Variants in OTOGL observed in about 807,000 individuals in gnomAD.
OTOGL encodes the protein otogelin like, also known as otogelin-like protein.
A neutral mutation model predicts 318.5 loss-of-function variants in OTOGL; 285 were observed. The observed-to-expected ratio is 0.89, with a 90% CI of 0.81 to 0.99. OTOGL has a LOEUF of 0.99. OTOGL is among the 50% of genes least tolerant of loss of function. The probability of loss-of-function intolerance (pLI) is 0.00; values close to 1 mark genes in which losing one functional copy is unlikely to be tolerated. For synonymous variants in OTOGL, 987 were observed against 936.5 expected, an observed-to-expected ratio of 1.05 and a Z score of -0.99; for missense variants, 2,899 against 2,845.6, an observed-to-expected ratio of 1.02 and a Z score of -0.43.
chr12:80,356,083 GTTTCA>G, intron 47 of OTOGL, 135 bp downstream of exon 47: 1 of 997,396 alleles, frequency 1.0e-6, no homozygotes, highest in Non-Finnish European at 1.5e-6. Flanking sequence ...AGCAAGTTTT[GTTTCA>G]TTACAATTCT....
At chr12:80,131,574 G>A (rs181374029) in intron 1 of OTOGL, among the ~76,000 whole-genome samples, 79 of 152,226 alleles carry the variant, frequency 5.2e-4, no homozygotes, top group African/African-American at 1.8e-3. Flanking sequence ...TTTAATATGG[G>A]ATGAATCAAA....
intron 26 of OTOGL, among the ~76,000 whole-genome samples, chr12:80,287,681 G>T (rs1592659899): frequency 6.6e-6 from 1 of 151,860 alleles, no homozygotes; most frequent in East Asian, 1.9e-4. Flanking sequence ...GATCTTTGTT[G>T]GTTTAGAGTC....
Position 80,358,765 on chromosome 12 carries a change from A to C in OTOGL, c.6216A>C (p.Thr2072=), listed in dbSNP as rs531023532. 1.3e-5 allele frequency: 21 copies of C among 1,606,480 alleles called. No individual in the cohort carries two copies. Among genetic ancestry groups the C allele is most frequent in the Non-Finnish European group, 1.7e-5 (20 of 1,173,742 alleles). Residue 2072 remains threonine, a synonymous_variant, in exon 51 of 59, where the codon ACA becomes ACC. Coordinates refer to ENST00000547103, the MANE Select transcript of OTOGL (RefSeq NM_001378609.3). ...ATGTATCTGGTCAATGTTGCCCAAC[A>C]TGGCACTGTGGTAACTAATTTTCAT... ...KENVSGQCCP[T]WHCECNCENL...
chr12:80,292,685 G>A (rs919495921), intron 26 of OTOGL, among the ~76,000 whole-genome samples: 4 of 152,082 alleles, frequency 2.6e-5, no homozygotes, highest in Non-Finnish European at 5.9e-5. Flanking sequence ...CAATAGACAA[G>A]GAAATTTGAT....
Position 80,108,872 on chromosome 12 carries a change from G to GTATATATGTGTATATATATGTGTA in OTOGL, c.-20+9299_-20+9322dup, listed in dbSNP as rs1387522915. Among the ~76,000 whole-genome samples, 218 of 135,160 alleles carry GTATATATGTGTATATATATGTGTA rather than the reference G, an allele frequency of 1.6e-3. 2 individuals carry two copies. Among genetic ancestry groups the GTATATATGTGTATATATATGTGTA allele is most frequent in the Non-Finnish European group, 1.9e-3 (126 of 64,772 alleles). 88.7% of individuals were successfully genotyped at this position (135,160 alleles called of 152,430 possible). ...TGTATATATATGTGTATATATATGTGTATATATGTGTATATATATGTGTAT... is the reference window on the plus strand; with the variant it reads ...TGTATATATATGTGTATATATATGTGTATATATGTGTATATATATGTGTATATATATGTGTATATATATGTGTAT... On this transcript the variant is annotated intron_variant, in intron 1 of 58. Coordinates refer to ENST00000547103, the MANE Select transcript of OTOGL (RefSeq NM_001378609.3).
At chr12:80,317,216 G>A (rs967139560) in intron 32 of OTOGL, among the ~76,000 whole-genome samples, 2 of 152,108 alleles carry the variant, frequency 1.3e-5, no homozygotes, top group African/African-American at 2.4e-5. Flanking sequence ...GATAGGATAT[G>A]CTTATTTCTG....
chr12:80,247,064 A>C (rs1307476687), intron 11 of OTOGL, among the ~76,000 whole-genome samples: 1 of 113,752 alleles, frequency 8.8e-6, no homozygotes, highest in East Asian at 2.3e-4. Flanking sequence ...TTTTTTCTTT[A>C]TTAGTCTTGC....
At chr12:80,107,654 G>T (rs532518788) in intron 1 of OTOGL, among the ~76,000 whole-genome samples, 2 of 152,114 alleles carry the variant, frequency 1.3e-5, no homozygotes, top group South Asian at 4.2e-4. Flanking sequence ...GTACACATAC[G>T]TTCATTGCAG....
At chr12:80,331,028 T>C (rs924160053) in intron 37 of OTOGL, among the ~76,000 whole-genome samples, 1 of 152,204 alleles carries the variant, frequency 6.6e-6, no homozygotes, top group Non-Finnish European at 1.5e-5. Context: ...AAGATAGCAA[T>C]ACTCCCAAAT....
At chr12:80,234,939 A>G (rs748521464) in intron 9 of OTOGL, among the ~76,000 whole-genome samples, 6 of 152,320 alleles carry the variant, frequency 3.9e-5, no homozygotes, top group Admixed American at 3.9e-4. Context: ...TCTGAGCACA[A>G]TACAAATGTA....
intron 37 of OTOGL, among the ~76,000 whole-genome samples, chr12:80,330,601 A>T (rs1888006941): frequency 6.6e-6 from 1 of 152,208 alleles, no homozygotes; most frequent in Non-Finnish European, 1.5e-5. Context: ...ACATTATCTC[A>T]AATGTGTAAA....
chr12:80,298,085 T>A (rs989121105), intron 27 of OTOGL, among the ~76,000 whole-genome samples: 2 of 152,212 alleles, frequency 1.3e-5, no homozygotes, highest in African/African-American at 4.8e-5. Flanking sequence ...TAAATAATGT[T>A]TACTGAATAT....
chr12:80,131,654 AATG>A (rs1374483095), intron 1 of OTOGL: 1 of 152,210 alleles, frequency 6.6e-6, no homozygotes, highest in African/African-American at 2.4e-5. Flanking sequence ...TTGTAATAAT[AATG>A]ATAATAACAA....
At position 80,359,177 on chromosome 12, in the gene OTOGL, A is replaced by G. The variant is rs771316891; in HGVS notation, c.6267+277A>G. On this transcript the variant is annotated intron_variant, in intron 52 of 58. Coordinates refer to ENST00000547103, the MANE Select transcript of OTOGL (RefSeq NM_001378609.3). The stretch of plus-strand genomic sequence containing the variant: ...TCCCTGTATTAAAATGAAGCAAAAT[A>G]TTGAAAAAAATTATCTTAATATTGA... Among the ~76,000 whole-genome samples the G allele has an allele frequency of 1.1e-3, 166 of 152,156 alleles. 1 individual carries two copies. Among genetic ancestry groups the G allele is most frequent in the Non-Finnish European group, 1.6e-3 (108 of 67,996 alleles).
intron 1 of OTOGL, among the ~76,000 whole-genome samples, chr12:80,206,632 C>T (rs1876829441): frequency 6.6e-6 from 1 of 152,004 alleles, no homozygotes; most frequent in African/African-American, 2.4e-5. Context: ...ACCTCAGCCT[C>T]CATAGTAGCT....
Position 80,220,644 on chromosome 12 carries a change from A to G in OTOGL, c.334+732A>G, listed in dbSNP as rs557230656. Among the ~76,000 whole-genome samples the G allele has an allele frequency of 2.4e-4, 34 of 139,332 alleles. 1 individual carries two copies. In the South Asian group the frequency reaches 7.3e-3, roughly 30 times the overall value. 91.4% of individuals were successfully genotyped at this position (139,332 alleles called of 152,430 possible). On this transcript the variant is annotated intron_variant, in intron 6 of 58. Coordinates refer to ENST00000547103, the MANE Select transcript of OTOGL (RefSeq NM_001378609.3). ...TTTTTTTTTTAAATCTTTTATCCACAGTGTCTAAGATAGGATTCTATGTCA... is the reference window on the plus strand; with the variant it reads ...TTTTTTTTTTAAATCTTTTATCCACGGTGTCTAAGATAGGATTCTATGTCA...
rs1345445150 is a variant in OTOGL, at chr12:80,353,413, C to T, written c.5496C>T (p.His1832=). 1 of 1,603,728 alleles carries T rather than the reference C, an allele frequency of 6.2e-7. No individual in the cohort carries two copies. The highest frequency in any genetic ancestry group is 8.5e-7 in the Non-Finnish European group (1 of 1,174,702). ...RTCLNQWFYG[H]TSCLNLREDC... ...GCCTGAACCAATGGTTCTATGGACA[C>T]ACTTCCTGTTTGAATCTAAGAGAAG... Residue 1832 remains histidine, a synonymous_variant, in exon 46 of 59, where the codon CAC becomes CAT. Transcript: ENST00000547103.
At chr12:80,123,818 T>A (rs1870637355) in intron 1 of OTOGL, among the ~76,000 whole-genome samples, 1 of 152,234 alleles carries the variant, frequency 6.6e-6, no homozygotes, top group African/African-American at 2.4e-5. Context: ...ATGTGTCTTT[T>A]GGCTACATAA....
intron 1 of OTOGL, among the ~76,000 whole-genome samples, chr12:80,183,245 G>GTT (rs1233773919): frequency 6.6e-6 from 1 of 152,130 alleles, no homozygotes; most frequent in Non-Finnish European, 1.5e-5. Flanking sequence ...GAGGTAGTAT[G>GTT]TTCTCTCTCT....
Sources: gnomAD v4.1 joint callset for allele counts (sites outside exome capture counted in the v4.1 genomes callset) on GRCh38, gnomAD v4.1.1 for gene constraint, MANE v1.5 for transcripts, NCBI Gene and HGNC (gene_info 2026-07-23, HGNC 2026-07-21) for gene names.